The following DKK2 variants were observed in gnomAD, a reference collection of about 807,000 sequenced individuals.
The protein encoded by DKK2 is dickkopf-related protein 2.
In DKK2, 11 loss-of-function variants were observed where a neutral mutation model predicts 28.1. The ratio of observed to expected loss-of-function variants is 0.39; its 90% CI spans 0.25 to 0.65. The LOEUF is 0.65. DKK2 is among the 30% of genes least tolerant of loss of function. DKK2 has a pLI of 0.47. For synonymous variants in DKK2, 135 were observed against 126.5 expected, an observed-to-expected ratio of 1.07 and a Z score of -0.45; for missense variants, 326 against 335.5, an observed-to-expected ratio of 0.97 and a Z score of 0.22.
chr4:106,930,376 C>T (rs1433275643), intron 1 of DKK2, among the ~76,000 whole-genome samples: 4 of 152,120 alleles, frequency 2.6e-5, no homozygotes, highest in African/African-American at 4.8e-5. Flanking sequence ...AATTAATTTT[C>T]ACTTGCCTAT....
Position 107,018,240 on chromosome 4 carries a change from T to G in DKK2, c.222+17130A>C, listed in dbSNP as rs577364731. Among the ~76,000 whole-genome samples the G allele has an allele frequency of 1.9e-4, 29 of 152,162 alleles. No individual in the cohort carries two copies. In the South Asian group the frequency reaches 5.8e-3, roughly 30 times the overall value. On this transcript the variant is annotated intron_variant, in intron 1 of 3. Transcript: ENST00000285311. The stretch of plus-strand genomic sequence containing the variant: ...TCATACTTCCCAATGGAGGAGAGTA[T>G]GGTGTCAGAATTTTAAGAAGGTCCA...
At chr4:106,989,755 T>A (rs1412858442) in intron 1 of DKK2, among the ~76,000 whole-genome samples, 1 of 152,184 alleles carries the variant, frequency 6.6e-6, no homozygotes, top group African/African-American at 2.4e-5. Context: ...TTGTTGGTGA[T>A]GTTAGTTAGG....
At position 106,923,663 on chromosome 4, in the gene DKK2, A is replaced by T. The variant is rs1029626296; in HGVS notation, c.*291T>A. ...ACTCTTGGAAAGTCACATGCTACTCATCAGTAATTTCCACTGTGTGCTTGT... is the reference window on the plus strand; with the variant it reads ...ACTCTTGGAAAGTCACATGCTACTCTTCAGTAATTTCCACTGTGTGCTTGT... On this transcript the variant is annotated 3_prime_UTR_variant, in exon 4 of 4. Coordinates refer to ENST00000285311, the MANE Select transcript of DKK2 (RefSeq NM_014421.3). 3.0e-6 allele frequency: 1 copy of T among 337,992 alleles called. No homozygotes were observed. The highest frequency in any genetic ancestry group is 5.5e-6 in the Non-Finnish European group (1 of 180,810). The allele number at this position is 337,992 out of a possible 1,614,324, so 20.9% of individuals were successfully genotyped here.
intron 1 of DKK2, among the ~76,000 whole-genome samples, chr4:106,955,403 G>A (rs1190333559): frequency 6.6e-6 from 1 of 152,094 alleles, no homozygotes; most frequent in African/African-American, 2.4e-5. Flanking sequence ...GGCTCCAATT[G>A]CTAGGCCAGG....
At chr4:106,940,488 G>A (rs541017833) in intron 1 of DKK2, among the ~76,000 whole-genome samples, 59 of 150,752 alleles carry the variant, frequency 3.9e-4, no homozygotes, top group African/African-American at 1.4e-3. Context: ...TGGAGAAATA[G>A]GAACACTTTT....
chr4:106,980,668 C>T (rs566491941), intron 1 of DKK2, among the ~76,000 whole-genome samples: 1 of 152,180 alleles, frequency 6.6e-6, no homozygotes, highest in East Asian at 1.9e-4. Flanking sequence ...TCGCTGCAAG[C>T]TAAAGTTCAT....
intron 1 of DKK2, among the ~76,000 whole-genome samples, chr4:107,024,165 AG>A (rs1723736462): frequency 6.6e-6 from 1 of 152,252 alleles, no homozygotes; most frequent in Non-Finnish European, 1.5e-5. Flanking sequence ...ATGACCCTAA[AG>A]CTTAGTTTCA....
chr4:107,023,097 C>G (rs1450387629), intron 1 of DKK2, among the ~76,000 whole-genome samples: 1 of 152,024 alleles, frequency 6.6e-6, no homozygotes, highest in East Asian at 1.9e-4. Context: ...AGCTTATAAT[C>G]CTTGGCCTTA....
At chr4:106,962,685 A>C (rs1722709971) in intron 1 of DKK2, among the ~76,000 whole-genome samples, 1 of 152,122 alleles carries the variant, frequency 6.6e-6, no homozygotes, top group Non-Finnish European at 1.5e-5. Flanking sequence ...ACACTCCAAG[A>C]CATTTGTCTG....
intron 1 of DKK2, among the ~76,000 whole-genome samples, chr4:106,936,014 GA>G (rs942941408): frequency 1.7e-4 from 26 of 151,954 alleles, no homozygotes; most frequent in Non-Finnish European, 3.1e-4. Flanking sequence ...CAAAGATGGG[GA>G]AAAAACAGAA....
At chr4:107,021,559 T>C (rs75504956) in intron 1 of DKK2, among the ~76,000 whole-genome samples, 4,416 of 152,192 alleles carry the variant, frequency 0.029, 71 homozygotes, top group Middle Eastern at 0.065. Context: ...TAGTAAGTTC[T>C]TGTCCACTTT....
intron 1 of DKK2, among the ~76,000 whole-genome samples, chr4:106,956,790 A>G (rs1022700760): frequency 2.0e-5 from 3 of 151,698 alleles, no homozygotes; most frequent in African/African-American, 4.9e-5. Context: ...ACCTAAAACC[A>G]TAAAAACCCT....
In DKK2 at chr4:107,034,395, G is replaced by A. The variant is rs1578386406; in HGVS notation, c.222+975C>T. On this transcript the variant is annotated intron_variant, in intron 1 of 3. Coordinates refer to ENST00000285311, the MANE Select transcript of DKK2 (RefSeq NM_014421.3). ...TCCCACAAAAGGAGCGGAAGGGGGA[G>A]CTGTCATGATTCCCAGTGCCCACAG... Among the ~76,000 whole-genome samples, 5 of 152,230 alleles carry A rather than the reference G, an allele frequency of 3.3e-5. No individual in the cohort carries two copies. The South Asian group carries it at 1.0e-3, about 32-fold the overall frequency.
intron 1 of DKK2, among the ~76,000 whole-genome samples, chr4:106,936,761 G>A (rs9705200): frequency 0.032 from 4,857 of 152,130 alleles, 84 homozygotes; most frequent in African/African-American, 0.037. Flanking sequence ...GACTAACAGC[G>A]GATCTCTCAG....
intron 1 of DKK2, among the ~76,000 whole-genome samples, chr4:106,975,422 T>C (rs1722929250): frequency 6.6e-6 from 1 of 152,108 alleles, no homozygotes; most frequent in Non-Finnish European, 1.5e-5. Flanking sequence ...ATTTCAGAAC[T>C]TGTCATTCAT....
intron 1 of DKK2, among the ~76,000 whole-genome samples, chr4:106,966,595 A>C (rs931936747): frequency 6.6e-6 from 1 of 152,162 alleles, no homozygotes; most frequent in Non-Finnish European, 1.5e-5. Context: ...TCTTTTCTTT[A>C]AACAATAGGC....
intron 1 of DKK2, among the ~76,000 whole-genome samples, chr4:107,017,316 T>A (rs952735198): frequency 6.6e-6 from 1 of 152,038 alleles, no homozygotes; most frequent in East Asian, 1.9e-4. Flanking sequence ...CCCTTCTGGA[T>A]AATAATTTTT....
chr4:107,034,701 C>A (rs918398751), intron 1 of DKK2, among the ~76,000 whole-genome samples: 9 of 152,090 alleles, frequency 5.9e-5, no homozygotes, highest in Non-Finnish European at 1.2e-4. Context: ...TGCGCGTCTA[C>A]TGGAGTTGTT....
At chr4:106,940,601 A>G (rs1724679649) in intron 1 of DKK2, among the ~76,000 whole-genome samples, 1 of 150,798 alleles carries the variant, frequency 6.6e-6, no homozygotes, top group Non-Finnish European at 1.5e-5. Flanking sequence ...CAGCCATCCC[A>G]TTACTGGGTA....
Sources: gnomAD v4.1 joint callset for allele counts (sites outside exome capture counted in the v4.1 genomes callset) on GRCh38, gnomAD v4.1.1 for gene constraint, MANE v1.5 for transcripts, NCBI Gene and HGNC (gene_info 2026-07-23, HGNC 2026-07-21) for gene names.